SLC5A4: variants seen among roughly 807,000 people sequenced by gnomAD.
SLC5A4 encodes the protein solute carrier family 5 member 4.
Under a neutral mutation model 70.3 loss-of-function variants are expected in SLC5A4, and 55 were observed. That is an observed-to-expected ratio of 0.78 (90% CI 0.63 to 0.98). The LOEUF (loss-of-function observed/expected upper bound fraction) is 0.98. Among genes scored for constraint, SLC5A4 ranks in the 50% least tolerant of loss-of-function variants. SLC5A4 has a pLI of 0.00. For missense variants in SLC5A4, 735 were observed against 839.2 expected (o/e 0.88, Z 1.53); for synonymous variants, 268 against 305.7 (o/e 0.88, Z 1.29).
At chr22:32,275,085 T>C in the SLC5A4 span, among the ~76,000 whole-genome samples, 1 of 152,220 alleles carries the variant, frequency 6.6e-6, no homozygotes, top group African/African-American at 2.4e-5. Flanking sequence ...ATAACTCTAT[T>C]GTACACCAGT....
chr22:32,260,963 G>A, the SLC5A4 span, among the ~76,000 whole-genome samples: 3 of 151,994 alleles, frequency 2.0e-5, no homozygotes, highest in Admixed American at 6.6e-5. Flanking sequence ...ATCCCAGCTA[G>A]TCAGGAGGCT....
At chr22:32,271,304 A>C in the SLC5A4 span, 5 of 743,600 alleles carry the variant, frequency 6.7e-6, 1 homozygote, top group South Asian at 7.4e-5. Context: ...GCCCGCAGGG[A>C]GGAGGCCATG....
At chr22:32,304,308 TTTC>T in the SLC5A4 span, among the ~76,000 whole-genome samples, 2 of 152,072 alleles carry the variant, frequency 1.3e-5, no homozygotes, top group African/African-American at 2.4e-5. Context: ...GTGGGGTTTT[TTTC>T]CGTATTTTTA....
At chr22:32,349,288 T>TA in the SLC5A4 span, among the ~76,000 whole-genome samples, 7 of 152,178 alleles carry the variant, frequency 4.6e-5, no homozygotes, top group African/African-American at 1.7e-4. Flanking sequence ...ACGCCTTTTT[T>TA]AAAAAATCAA....
At chr22:32,240,112 C>CTACAGTGATGGAAAATTGGTTTGAAT (rs1377677211) in intron 5 of SLC5A4, among the ~76,000 whole-genome samples, 1 of 150,480 alleles carries the variant, frequency 6.6e-6, no homozygotes, top group Non-Finnish European at 1.5e-5. Context: ...TAGATATGTG[C>CTACAGTGATGGAAAATTGGTTTGAAT]TACAGTGATG....
chr22:32,233,040 G>A lies in SLC5A4; in HGVS notation c.886-6C>T, dbSNP rs745577105. 59 of 1,610,816 alleles carry A rather than the reference G, an allele frequency of 3.7e-5. No individual in the cohort carries two copies. Among genetic ancestry groups the A allele is most frequent in the Admixed American group, 3.4e-5 (2 of 59,384 alleles). On this transcript the variant is annotated splice_polypyrimidine_tract_variant and splice_region_variant and intron_variant, in intron 8 of 14. Transcript: ENST00000266086. ...AGGCAGCGCTGCACAATGACCTGCC[G>A]GGAGAACGTGACACACTCATGAAAC... is the stretch of plus-strand genomic sequence containing the variant.
chr22:32,244,252 C>T (rs1396381264), intron 5 of SLC5A4, among the ~76,000 whole-genome samples: 1 of 152,150 alleles, frequency 6.6e-6, no homozygotes, highest in East Asian at 1.9e-4. Flanking sequence ...AAATGTTCAG[C>T]ATTTCAGAAA....
the SLC5A4 span, among the ~76,000 whole-genome samples, chr22:32,352,153 A>C: frequency 6.6e-6 from 1 of 151,950 alleles, no homozygotes; most frequent in Non-Finnish European, 1.5e-5. Flanking sequence ...CATTCTCAGC[A>C]AACTATCACA....
At chr22:32,321,959 A>C in the SLC5A4 span, among the ~76,000 whole-genome samples, 1 of 152,244 alleles carries the variant, frequency 6.6e-6, no homozygotes, top group Non-Finnish European at 1.5e-5. Flanking sequence ...AAGTGAAAAC[A>C]CTTCCATGTT....
the SLC5A4 span, among the ~76,000 whole-genome samples, chr22:32,323,237 C>T: frequency 6.6e-6 from 1 of 152,194 alleles, no homozygotes; most frequent in Non-Finnish European, 1.5e-5. Flanking sequence ...TCAGGTGGAC[C>T]CCGCACCTCC....
At chr22:32,338,003 ACT>A in the SLC5A4 span, among the ~76,000 whole-genome samples, 31,637 of 151,944 alleles carry the variant, frequency 0.21, 3,710 homozygotes, top group East Asian at 0.48. Flanking sequence ...TACAGCTTGA[ACT>A]CTCTTGAGTC....
intron 8 of SLC5A4, 144 bp from the exon 9 acceptor site, chr22:32,233,178 T>C (rs1405445980): frequency 2.5e-6 from 2 of 812,826 alleles, no homozygotes; most frequent in Admixed American, 3.0e-5. Context: ...CTGTGTTCAT[T>C]GCAGCACTAT....
At chr22:32,310,234 G>C in the SLC5A4 span, among the ~76,000 whole-genome samples, 24,871 of 152,028 alleles carry the variant, frequency 0.16, 2,132 homozygotes, top group East Asian at 0.31. Flanking sequence ...GGCAGAGTAA[G>C]CACCTATAGA....
chr22:32,272,177 C>A, the SLC5A4 span: 1 of 731,862 alleles, frequency 1.4e-6, no homozygotes, highest in South Asian at 1.5e-5. Context: ...GGACCTGCCT[C>A]ATGCAGGAGG....
At chr22:32,303,943 A>G in the SLC5A4 span, among the ~76,000 whole-genome samples, 1 of 152,154 alleles carries the variant, frequency 6.6e-6, no homozygotes, top group Non-Finnish European at 1.5e-5. Flanking sequence ...CTGTTTCTCC[A>G]CATTCTCACC....
the SLC5A4 span, among the ~76,000 whole-genome samples, chr22:32,306,898 T>G: frequency 8.1e-6 from 1 of 124,038 alleles, no homozygotes; most frequent in East Asian, 2.2e-4. Flanking sequence ...GACATGCAAT[T>G]CCAAGAAGAG....
At chr22:32,229,598 T>C (rs970610644) in intron 10 of SLC5A4, among the ~76,000 whole-genome samples, 1 of 151,970 alleles carries the variant, frequency 6.6e-6, no homozygotes, top group African/African-American at 2.4e-5. Context: ...TCAAAAACAA[T>C]TGAACTCATG....
chr22:32,308,860 G>C, the SLC5A4 span, among the ~76,000 whole-genome samples: 1 of 152,170 alleles, frequency 6.6e-6, no homozygotes, highest in African/African-American at 2.4e-5. Flanking sequence ...GTATGCATGT[G>C]TGCATGTATG....
the SLC5A4 span, chr22:32,272,224 T>C: frequency 2.6e-6 from 2 of 774,326 alleles, no homozygotes; most frequent in East Asian, 2.5e-5. Flanking sequence ...ATCTTGATCA[T>C]GGATGTGACT....
Sources: gnomAD v4.1 joint callset for allele counts (sites outside exome capture counted in the v4.1 genomes callset) on GRCh38, gnomAD v4.1.1 for gene constraint, MANE v1.5 for transcripts, NCBI Gene and HGNC (gene_info 2026-07-23, HGNC 2026-07-21) for gene names.